PPM1E: variants seen among roughly 807,000 people sequenced by gnomAD.
PPM1E encodes the protein protein phosphatase 1E.
A neutral mutation model predicts 65.9 loss-of-function variants in PPM1E; 20 were observed. That is an observed-to-expected ratio of 0.30 (90% confidence interval 0.21 to 0.44). PPM1E has a LOEUF of 0.44. Ranked by LOEUF, PPM1E falls within the 20% of genes least tolerant of loss-of-function variation. The pLI is 1.00. For synonymous variants in PPM1E, 352 were observed against 374.9 expected (o/e 0.94, Z 0.70); for missense variants, 713 against 953.1 (o/e 0.75, Z 3.32).
intron 2 of PPM1E, among the ~76,000 whole-genome samples, chr17:58,962,284 CAA>C (rs768983417): frequency 3.7e-4 from 29 of 78,946 alleles, no homozygotes; most frequent in Admixed American, 2.8e-4. Context: ...AACTCCATCT[CAA>C]AAAAAAAAAA....
intron 1 of PPM1E, among the ~76,000 whole-genome samples, chr17:58,939,989 T>G (rs1297753213): frequency 6.6e-6 from 1 of 152,190 alleles, no homozygotes; most frequent in African/African-American, 2.4e-5. Context: ...ATTAAAGGAT[T>G]TCTAATCATA....
At chr17:58,943,895 G>A (rs1219576350) in intron 1 of PPM1E, among the ~76,000 whole-genome samples, 2 of 152,184 alleles carry the variant, frequency 1.3e-5, no homozygotes, top group African/African-American at 2.4e-5. Context: ...CACTAGAACA[G>A]TGCCTGGTAC....
chr17:58,762,040 C>T (rs768509937), intron 1 of PPM1E, among the ~76,000 whole-genome samples: 8 of 152,166 alleles, frequency 5.3e-5, no homozygotes, highest in Non-Finnish European at 8.8e-5. Flanking sequence ...TGAGGGAGTG[C>T]AAATTCCACA....
chr17:58,776,830 GAAGAA>G (rs1161619497), intron 1 of PPM1E, among the ~76,000 whole-genome samples: 2 of 152,132 alleles, frequency 1.3e-5, no homozygotes, highest in African/African-American at 4.8e-5. Context: ...GGACAGCTCA[GAAGAA>G]GAGAACTAAA....
chr17:58,886,403 C>G (rs1247186797), intron 1 of PPM1E, among the ~76,000 whole-genome samples: 1 of 152,144 alleles, frequency 6.6e-6, no homozygotes, highest in East Asian at 1.9e-4. Flanking sequence ...CATGACCACA[C>G]CCTCCTCTTT....
At chr17:58,826,117 C>A (rs187738734) in intron 1 of PPM1E, among the ~76,000 whole-genome samples, 2 of 151,186 alleles carry the variant, frequency 1.3e-5, no homozygotes, top group Non-Finnish European at 2.9e-5. Context: ...GGTGAAACCC[C>A]GTCTCTACTA....
intron 6 of PPM1E, among the ~76,000 whole-genome samples, chr17:58,973,193 G>A (rs2030752144): frequency 6.6e-6 from 1 of 150,998 alleles, no homozygotes; most frequent in African/African-American, 2.4e-5. Flanking sequence ...CGAGGCGGGT[G>A]TATCACGAGG....
intron 1 of PPM1E, among the ~76,000 whole-genome samples, chr17:58,835,168 T>A (rs1265130965): frequency 3.3e-5 from 5 of 152,050 alleles, no homozygotes; most frequent in Non-Finnish European, 7.4e-5. Context: ...TAGTGAGACC[T>A]CATCTCTACA....
rs1235546546 is a variant in PPM1E at position 58,941,435 on chromosome 17, C to G, written c.465-14214C>G. ...TCATGCTGGGTGCAGTGGCTCACGC[C>G]TGTAATCCCAGCACTTTGGGAGGCT... On this transcript the variant is annotated intron_variant, in intron 1 of 6. Transcript: ENST00000308249. 2.6e-5 allele frequency among the ~76,000 whole-genome samples: 4 copies of G among 152,126 alleles called. No individual in the cohort carries two copies. The East Asian group carries it at 7.7e-4, about 29-fold the overall frequency.
intron 1 of PPM1E, among the ~76,000 whole-genome samples, chr17:58,902,076 A>G (rs1423551142): frequency 1.3e-5 from 2 of 152,164 alleles, no homozygotes; most frequent in East Asian, 3.8e-4. Context: ...AATATTTCAG[A>G]CTACTGATTG....
chr17:58,978,439 G>A (rs1282291905), intron 6 of PPM1E, among the ~76,000 whole-genome samples: 5 of 152,094 alleles, frequency 3.3e-5, no homozygotes, highest in Non-Finnish European at 7.4e-5. Flanking sequence ...GGCCAGATGC[G>A]GTGGCTCATG....
intron 1 of PPM1E, among the ~76,000 whole-genome samples, chr17:58,843,341 T>A (rs1184033490): frequency 1.4e-4 from 20 of 140,814 alleles, no homozygotes; most frequent in Middle Eastern, 3.7e-3. Flanking sequence ...AAAAAAAAAA[T>A]GAATTAAATA....
At chr17:58,851,599 A>G (rs1289279223) in intron 1 of PPM1E, among the ~76,000 whole-genome samples, 2 of 152,202 alleles carry the variant, frequency 1.3e-5, no homozygotes, top group African/African-American at 2.4e-5. Flanking sequence ...AACAGCAAAT[A>G]TTGCAGAATG....
At chr17:58,846,170 A>G (rs1404706267) in intron 1 of PPM1E, among the ~76,000 whole-genome samples, 1 of 152,160 alleles carries the variant, frequency 6.6e-6, no homozygotes, top group Non-Finnish European at 1.5e-5. Context: ...AATTCTTTTG[A>G]GTATATACCC....
chr17:58,919,877 T>C (rs879458988), intron 1 of PPM1E, among the ~76,000 whole-genome samples: 2 of 152,166 alleles, frequency 1.3e-5, no homozygotes, highest in East Asian at 1.9e-4. Flanking sequence ...GAATTTACCA[T>C]TGGCACTGAC....
intron 1 of PPM1E, among the ~76,000 whole-genome samples, chr17:58,885,034 T>G (rs2051249254): frequency 6.6e-6 from 1 of 152,146 alleles, no homozygotes; most frequent in African/African-American, 2.4e-5. Context: ...TAACCTCTGC[T>G]TAATGTCTTA....
At chr17:58,876,383 A>T (rs1904552121) in intron 1 of PPM1E, among the ~76,000 whole-genome samples, 1 of 152,178 alleles carries the variant, frequency 6.6e-6, no homozygotes, top group African/African-American at 2.4e-5. Flanking sequence ...TCCTATATTT[A>T]ATCTCTATAT....
rs552699760 is a variant in PPM1E at position 58,978,580 on chromosome 17, G to A, written c.1211-1394G>A. On this transcript the variant is annotated intron_variant, in intron 6 of 6. Coordinates refer to ENST00000308249, the MANE Select transcript of PPM1E (RefSeq NM_014906.5). ...ATAAAAATTAGCCAGGTGTGGTGGC[G>A]TACGCCTGTAATCCCAGCTACTCCG... Among the ~76,000 whole-genome samples, 25 of 152,172 alleles carry A rather than the reference G, an allele frequency of 1.6e-4. No homozygotes were observed. In the East Asian group the frequency reaches 4.3e-3, roughly 26 times the overall value.
At chr17:58,772,226 A>C (rs1239389358) in intron 1 of PPM1E, among the ~76,000 whole-genome samples, 1 of 152,140 alleles carries the variant, frequency 6.6e-6, no homozygotes, top group East Asian at 1.9e-4. Flanking sequence ...TGGGAGGCCA[A>C]GGCAGGGGAT....
Sources: gnomAD v4.1 joint callset for allele counts (sites outside exome capture counted in the v4.1 genomes callset) on GRCh38, gnomAD v4.1.1 for gene constraint, MANE v1.5 for transcripts, NCBI Gene and HGNC (gene_info 2026-07-23, HGNC 2026-07-21) for gene names.